The following PMFBP1 variants were observed in gnomAD, a reference collection of about 807,000 sequenced individuals.
PMFBP1 encodes the protein polyamine-modulated factor 1-binding protein 1.
A neutral mutation model predicts 137.8 loss-of-function variants in PMFBP1; 131 were observed. The observed-to-expected ratio is 0.95, with a 90% CI of 0.82 to 1.10. The LOEUF is 1.10. Among genes scored for constraint, PMFBP1 ranks in the 50% least tolerant of loss-of-function variants. The pLI, the probability that PMFBP1 is intolerant of heterozygous loss-of-function variation, is 0.00. For missense variants in PMFBP1, 1,199 were observed against 1,175.4 expected, an observed-to-expected ratio of 1.02 and a Z score of -0.29; for synonymous variants, 490 against 450.4, an observed-to-expected ratio of 1.09 and a Z score of -1.11.
chr16:72,130,408 C>A (rs754690609), intron 11 of PMFBP1, 51 bp from the exon 12 acceptor site: 2 of 1,612,162 alleles, frequency 1.2e-6, no homozygotes, highest in African/African-American at 2.7e-5. Context: ...CCCATGTGGG[C>A]AGATTGTGGA....
chr16:72,242,212 G>A, the PMFBP1 span, among the ~76,000 whole-genome samples: 1 of 152,238 alleles, frequency 6.6e-6, no homozygotes, highest in Non-Finnish European at 1.5e-5. Flanking sequence ...GATGGGATCA[G>A]ACAGCAAGAC....
chr16:72,186,000 G>T, the PMFBP1 span, among the ~76,000 whole-genome samples: 1 of 152,104 alleles, frequency 6.6e-6, no homozygotes, highest in African/African-American at 2.4e-5. Context: ...AAAGATCTTG[G>T]GGCTGATACA....
At chr16:72,232,102 A>G in the PMFBP1 span, among the ~76,000 whole-genome samples, 2 of 152,186 alleles carry the variant, frequency 1.3e-5, no homozygotes, top group Non-Finnish European at 2.9e-5. Flanking sequence ...AAAAGCCCTC[A>G]TTAGAGAATA....
At chr16:72,152,685 A>G (rs2042919162) in intron 4 of PMFBP1, among the ~76,000 whole-genome samples, 1 of 152,008 alleles carries the variant, frequency 6.6e-6, no homozygotes, top group Non-Finnish European at 1.5e-5. Context: ...TCTCTACTAA[A>G]AATACAAAAA....
intron 19 of PMFBP1, 49 bp from the exon 20 acceptor site, chr16:72,120,138 G>A (rs781529070): frequency 1.9e-6 from 3 of 1,613,058 alleles, no homozygotes; most frequent in Non-Finnish European, 8.5e-7. Context: ...GCTGGCTCTG[G>A]TTGGTTCCCT....
At chr16:72,173,102 G>A (rs931928021), upstream of PMFBP1, among the ~76,000 whole-genome samples, 1 of 152,218 alleles carries the variant, frequency 6.6e-6, no homozygotes, top group Non-Finnish European at 1.5e-5. Flanking sequence ...CCTCACTGGA[G>A]GAGTGGCCTT....
At chr16:72,213,200 G>A in the PMFBP1 span, among the ~76,000 whole-genome samples, 2 of 149,584 alleles carry the variant, frequency 1.3e-5, no homozygotes, top group Admixed American at 6.6e-5. Flanking sequence ...AAGAGCCCGG[G>A]GGGGGGTGGG....
the PMFBP1 span, among the ~76,000 whole-genome samples, chr16:72,225,299 T>C: frequency 6.6e-6 from 1 of 152,130 alleles, no homozygotes; most frequent in Non-Finnish European, 1.5e-5. Flanking sequence ...TCCATGCTGG[T>C]CATGCACAAG....
intron 3 of PMFBP1, among the ~76,000 whole-genome samples, chr16:72,163,480 G>A (rs1250644181): frequency 6.6e-6 from 1 of 152,236 alleles, no homozygotes; most frequent in Admixed American, 6.5e-5. Flanking sequence ...AGGTCTGCAT[G>A]TTCACACATG....
At chr16:72,193,185 G>C in the PMFBP1 span, among the ~76,000 whole-genome samples, 2 of 151,904 alleles carry the variant, frequency 1.3e-5, no homozygotes, top group Admixed American at 6.6e-5. Context: ...CCAGGAGCTC[G>C]AGACCAGCCT....
At position 72,130,713 on chromosome 16, in the gene PMFBP1, G is replaced by C; in HGVS notation, c.1457C>G (p.Ala486Gly). ...TGCAGCCTCTTCTTTGCACTGGGCT[G>C]CTTGCTGAGCTGCAGAAGCAGGGAG... is the stretch of plus-strand genomic sequence containing the variant. ...KQQERLAAQQAAQCKEEAALA... is the reference protein window; with the variant it reads ...KQQERLAAQQGAQCKEEAALA... The change falls in exon 11 of 21, where the codon GCA becomes GGA. Residue 486 changes from alanine (A) to glycine (G), a missense_variant. Ala to Gly is a moderately conservative substitution (Grantham distance 60). Coordinates refer to ENST00000237353, the MANE Select transcript of PMFBP1 (RefSeq NM_031293.3). 1 of 1,610,500 alleles carries C rather than the reference G, an allele frequency of 6.2e-7. No individual in the cohort carries two copies. Among genetic ancestry groups the C allele is most frequent in the Non-Finnish European group, 8.5e-7 (1 of 1,179,256 alleles).
At chr16:72,132,640 T>C in intron 10 of PMFBP1, 108 bp downstream of exon 10, 1 of 1,534,138 alleles carries the variant, frequency 6.5e-7, no homozygotes, top group Admixed American at 1.9e-5. Flanking sequence ...AGTGAGACAC[T>C]GGAGGAGGGC....
intron 1 of PMFBP1, 44 bp from the exon 2 acceptor site, chr16:72,171,312 C>T: frequency 1.5e-6 from 2 of 1,311,454 alleles, no homozygotes; most frequent in Non-Finnish European, 1.1e-6. Context: ...TATAAATGAG[C>T]CTCTGCCCTT....
chr16:72,156,187 A>G (rs947976768), intron 3 of PMFBP1, among the ~76,000 whole-genome samples: 3 of 152,024 alleles, frequency 2.0e-5, no homozygotes, highest in Admixed American at 1.3e-4. Flanking sequence ...GGGTTTTGCC[A>G]TGCTGGCCAA....
At chr16:72,139,202 A>G in intron 7 of PMFBP1, 87 bp downstream of exon 7, 1 of 927,936 alleles carries the variant, frequency 1.1e-6, no homozygotes. Flanking sequence ...AAATTGTCAT[A>G]TAAAAATAAA....
the PMFBP1 span, among the ~76,000 whole-genome samples, chr16:72,216,137 C>T: frequency 1.3e-5 from 2 of 152,072 alleles, no homozygotes; most frequent in African/African-American, 4.8e-5. Context: ...TCTTTCTTTG[C>T]TTGTTGGTCA....
At chr16:72,158,220 G>A (rs572721569) in intron 3 of PMFBP1, among the ~76,000 whole-genome samples, 6 of 152,236 alleles carry the variant, frequency 3.9e-5, no homozygotes, top group African/African-American at 1.4e-4. Flanking sequence ...ACCCACTATG[G>A]TCACCAGGCA....
At chr16:72,133,600 C>A (rs1363544921) in intron 9 of PMFBP1, among the ~76,000 whole-genome samples, 1 of 152,162 alleles carries the variant, frequency 6.6e-6, no homozygotes, top group Non-Finnish European at 1.5e-5. Flanking sequence ...GCGATCCTCC[C>A]ACCTCAGTCT....
the PMFBP1 span, among the ~76,000 whole-genome samples, chr16:72,244,592 G>T: frequency 2.6e-5 from 4 of 152,134 alleles, no homozygotes; most frequent in African/African-American, 9.7e-5. Context: ...CAAGAGCAAT[G>T]GGTGGTTAAG....
Sources: allele counts gnomAD v4.1 joint callset (sites outside exome capture counted in the v4.1 genomes callset), GRCh38; gene constraint gnomAD v4.1.1; transcripts MANE v1.5; gene names NCBI Gene and HGNC (gene_info 2026-07-23, HGNC 2026-07-21).